ZDHHC15: variants seen among roughly 807,000 people sequenced by gnomAD.
ZDHHC15 encodes zDHHC palmitoyltransferase 15.
In ZDHHC15, 19 loss-of-function variants were observed where a neutral mutation model predicts 31.7. That is an observed-to-expected ratio of 0.60 (90% CI 0.42 to 0.88). The LOEUF is 0.88. Ranked by LOEUF, ZDHHC15 falls within the 40% of genes least tolerant of loss-of-function variation. The probability of loss-of-function intolerance (pLI) is 0.00; values close to 1 mark genes in which losing one functional copy is unlikely to be tolerated. For missense variants in ZDHHC15, 209 were observed against 251.2 expected, an observed-to-expected ratio of 0.83 and a Z score of 1.14; for synonymous variants, 103 against 90.0, an observed-to-expected ratio of 1.14 and a Z score of -0.82.
At chrX:75,415,372 T>TA (rs1053093652) in intron 10 of ZDHHC15, among the ~76,000 whole-genome samples, 5 of 110,820 alleles carry the variant, frequency 4.5e-5, no homozygotes, top group South Asian at 3.8e-4. Context: ...TCAATGAACT[T>TA]AAAAAAAACC....
At chrX:75,408,228 A>G (rs1174923370) in intron 10 of ZDHHC15, among the ~76,000 whole-genome samples, 2 of 109,497 alleles carry the variant, frequency 1.8e-5, no homozygotes, top group Admixed American at 9.8e-5. Flanking sequence ...AAAAATAAAA[A>G]ATAAATAAAT....
chrX:75,433,697 G>GTATATA (rs779122973), intron 4 of ZDHHC15, among the ~76,000 whole-genome samples: 1 of 6,639 alleles, frequency 1.5e-4, no homozygotes, highest in African/African-American at 1.8e-4. Flanking sequence ...GTGTGTGTGT[G>GTATATA]TATATATATA....
In ZDHHC15 at chrX:75,370,265, T is replaced by G. The variant is rs1343082108; in HGVS notation, c.*2713A>C. The G allele has an allele frequency of 9.0e-6, 1 of 111,058 alleles. No individual in the cohort carries two copies. The highest frequency in any genetic ancestry group is 2.8e-4 in the East Asian group (1 of 3,523). The allele number at this position is 111,058 out of a possible 1,213,427, so 9.2% of individuals were successfully genotyped here. On this transcript the variant is annotated 3_prime_UTR_variant, in exon 12 of 12. Transcript: ENST00000373367. Reference sequence around the variant, plus strand: ...GAGTATCAACAATTAGGGAATGAGATTCCACAGAGGTTATTGGACAGGGAT... The same window carrying G: ...GAGTATCAACAATTAGGGAATGAGAGTCCACAGAGGTTATTGGACAGGGAT...
At chrX:75,450,728 T>C (rs1332380862) in intron 4 of ZDHHC15, 74 bp downstream of exon 4, 1 of 1,208,400 alleles carries the variant, frequency 8.3e-7, no homozygotes, top group Non-Finnish European at 1.1e-6. Context: ...AGGGCTAGTT[T>C]GAGAACATAT....
intron 10 of ZDHHC15, among the ~76,000 whole-genome samples, chrX:75,412,766 T>C (rs1027093402): frequency 1.2e-4 from 13 of 111,772 alleles, no homozygotes; most frequent in African/African-American, 4.2e-4. Flanking sequence ...CATTCTTCCA[T>C]TTACAACAAC....
intron 10 of ZDHHC15, among the ~76,000 whole-genome samples, chrX:75,387,980 C>A (rs1164809395): frequency 8.9e-6 from 1 of 111,969 alleles, no homozygotes; most frequent in Non-Finnish European, 1.9e-5. Flanking sequence ...ATTTATTTGG[C>A]AACAGACTTC....
intron 1 of ZDHHC15, among the ~76,000 whole-genome samples, chrX:75,517,784 T>TCC (rs2085382312): frequency 9.1e-6 from 1 of 110,246 alleles, no homozygotes; most frequent in African/African-American, 3.3e-5. Context: ...TTATGCCAGA[T>TCC]ATAAAAAATT....
intron 1 of ZDHHC15, among the ~76,000 whole-genome samples, chrX:75,517,269 T>C (rs994321882): frequency 2.7e-5 from 3 of 111,510 alleles, no homozygotes; most frequent in Non-Finnish European, 5.6e-5. Flanking sequence ...ATCATGTTAC[T>C]ATAAAGACAC....
chrX:75,496,928 C>T (rs1215901778), intron 2 of ZDHHC15, among the ~76,000 whole-genome samples: 2 of 109,545 alleles, frequency 1.8e-5, no homozygotes, highest in Non-Finnish European at 3.8e-5. Flanking sequence ...GCTCACACCT[C>T]AAGAAACATG....
intron 3 of ZDHHC15, among the ~76,000 whole-genome samples, chrX:75,455,102 A>C (rs2084194646): frequency 8.9e-6 from 1 of 111,875 alleles, no homozygotes; most frequent in African/African-American, 3.3e-5. Flanking sequence ...GCATCATGCT[A>C]CCTGACTTCA....
chrX:75,403,903 G>A (rs1306449394), intron 10 of ZDHHC15, among the ~76,000 whole-genome samples: 7 of 111,722 alleles, frequency 6.3e-5, no homozygotes, highest in East Asian at 5.6e-4. Context: ...AAGCAAAAAC[G>A]AGCCTGAATA....
chrX:75,379,766 A>G (rs1293661934), intron 10 of ZDHHC15, among the ~76,000 whole-genome samples: 2 of 112,128 alleles, frequency 1.8e-5, no homozygotes, highest in Admixed American at 9.5e-5. Context: ...CAGCATAATA[A>G]TATACTTGGC....
rs541238663 is a variant in ZDHHC15, at chrX:75,383,734, G to GTTTTTTTTT, written c.968-4537_968-4536insAAAAAAAAA. 1.4e-4 allele frequency among the ~76,000 whole-genome samples: 11 copies of GTTTTTTTTT among 77,803 alleles called. 3 individuals carry two copies. Among genetic ancestry groups the GTTTTTTTTT allele is most frequent in the Admixed American group, 2.0e-4 (1 of 5,074 alleles). The allele number at this position is 77,803 out of a possible 115,157, so 67.6% of individuals were successfully genotyped here. A position where few individuals can be genotyped will look rare whatever the true frequency, so the allele number is the denominator to read the frequency against. On this transcript the variant is annotated intron_variant, in intron 10 of 11. Coordinates refer to ENST00000373367, the MANE Select transcript of ZDHHC15 (RefSeq NM_144969.3). ...ACTACCCCAAATTTAAGAAATGTTA[G>GTTTTTTTTT]GTTTTTTTTTTTTTTTTTTTTTGAG...
In ZDHHC15 at chrX:75,368,620, A is replaced by G. The variant is rs1339057578; in HGVS notation, c.*4358T>C. 3 of 111,552 alleles carry G rather than the reference A, an allele frequency of 2.7e-5. No individual in the cohort carries two copies. Among genetic ancestry groups the G allele is most frequent in the South Asian group, 3.8e-4 (1 of 2,651 alleles). 9.2% of individuals were successfully genotyped at this position (111,552 alleles called of 1,213,427 possible). ...AGGTCTCCTTTTCTGGCACTCTAAT[A>G]TAGTTCATATATTACCAAGACCCAC... is the stretch of plus-strand genomic sequence containing the variant. On this transcript the variant is annotated 3_prime_UTR_variant, in exon 12 of 12. Coordinates refer to ENST00000373367, the MANE Select transcript of ZDHHC15 (RefSeq NM_144969.3).
chrX:75,489,724 G>T (rs1473293764), intron 2 of ZDHHC15, among the ~76,000 whole-genome samples: 1 of 112,380 alleles, frequency 8.9e-6, no homozygotes, highest in Non-Finnish European at 1.9e-5. Flanking sequence ...ACCAGCAATG[G>T]AACAAAGCTG....
At position 75,401,460 on chromosome X, in the gene ZDHHC15, A is replaced by G. The variant is rs73488489; in HGVS notation, c.967+15627T>C. ...GGCACAGAGTGGCAAGCTGAGTTAA[A>G]AAGCAAGATCCAATGGCATGCTGTC... On this transcript the variant is annotated intron_variant, in intron 10 of 11. Coordinates refer to ENST00000373367, the MANE Select transcript of ZDHHC15 (RefSeq NM_144969.3). Among the ~76,000 whole-genome samples the G allele has an allele frequency of 9.2e-3, 1,030 of 111,414 alleles. 19 individuals carry two copies. Among genetic ancestry groups the G allele is most frequent in the African/African-American group, 0.031 (964 of 30,636 alleles).
At chrX:75,491,060 C>G (rs1412284948) in intron 2 of ZDHHC15, among the ~76,000 whole-genome samples, 1 of 111,559 alleles carries the variant, frequency 9.0e-6, no homozygotes, top group East Asian at 2.8e-4. Flanking sequence ...TTGTGGAAGC[C>G]AGTGTGGTGA....
At chrX:75,498,910 C>T (rs935352685) in intron 2 of ZDHHC15, among the ~76,000 whole-genome samples, 11 of 111,727 alleles carry the variant, frequency 9.8e-5, no homozygotes, top group African/African-American at 3.6e-4. Flanking sequence ...GTCAACAAAA[C>T]AGCATGGTAC....
At chrX:75,385,066 G>A (rs1163224996) in intron 10 of ZDHHC15, among the ~76,000 whole-genome samples, 4 of 111,768 alleles carry the variant, frequency 3.6e-5, no homozygotes, top group East Asian at 2.8e-4. Flanking sequence ...AGGAATAATC[G>A]TACAGGTCTG....
Sources: gnomAD v4.1 joint callset for allele counts (sites outside exome capture counted in the v4.1 genomes callset) on GRCh38, gnomAD v4.1.1 for gene constraint, MANE v1.5 for transcripts, NCBI Gene and HGNC (gene_info 2026-07-23, HGNC 2026-07-21) for gene names.